PRKDC: variants seen among roughly 807,000 people sequenced by gnomAD.
PRKDC encodes DNA-dependent protein kinase catalytic subunit.
PRKDC carries 82 observed loss-of-function variants against 486.9 expected under a neutral mutation model. That is an observed-to-expected ratio of 0.17 (90% CI 0.14 to 0.20). PRKDC has a LOEUF of 0.20. Ranked by LOEUF, PRKDC falls within the 10% of genes least tolerant of loss-of-function variation. The probability of loss-of-function intolerance (pLI) is 1.00; values close to 1 mark genes in which losing one functional copy is unlikely to be tolerated. For synonymous variants in PRKDC, 1,895 were observed against 1,837.0 expected, an observed-to-expected ratio of 1.03 and a Z score of -0.81; for missense variants, 4,504 against 5,038.2, an observed-to-expected ratio of 0.89 and a Z score of 3.21.
intron 78 of PRKDC, among the ~76,000 whole-genome samples, chr8:47,783,514 C>T (rs1234301673): frequency 5.9e-5 from 9 of 151,626 alleles, no homozygotes; most frequent in African/African-American, 1.9e-4. Flanking sequence ...CGTTTGAACC[C>T]GGGAGGCAGA....
chr8:47,818,253 G>A (rs1248109916), intron 67 of PRKDC, among the ~76,000 whole-genome samples: 1 of 151,968 alleles, frequency 6.6e-6, no homozygotes, highest in Non-Finnish European at 1.5e-5. Flanking sequence ...AAAATGAGGA[G>A]AAAAAAATCC....
chr8:47,858,960 A>T lies in PRKDC; in HGVS notation c.6234T>A (p.Asp2078Glu). ...RREQRDPTVH[D>E]DVLELEMDEL... ...CGTCCATCTCCAGCTCCAGCACATC[A>T]TCATGCACCGTGGGGTCCCGCTGCT... Residue 2078 changes from aspartate to glutamate, a missense_variant, in exon 47 of 86, where the codon GAT becomes GAA. Asp to Glu is a conservative substitution (Grantham distance 45). Around this residue, in one of 6 missense-constraint regions of PRKDC, gnomAD observed 1,592 missense variants for 1,724.6 expected, o/e 0.92. Transcript: ENST00000314191. 6.2e-7 allele frequency: 1 copy of T among 1,613,454 alleles called. No homozygotes were observed. Among genetic ancestry groups the T allele is most frequent in the Non-Finnish European group, 8.5e-7 (1 of 1,179,876 alleles).
In PRKDC at chr8:47,916,072, T is replaced by G. The variant is rs565047228; in HGVS notation, c.2527-654A>C. ...CATCTGAAAATACTGGTTCACTGGATTGTGCAGATATTCCAAATGTTGACA... is the reference window on the plus strand; with the variant it reads ...CATCTGAAAATACTGGTTCACTGGAGTGTGCAGATATTCCAAATGTTGACA... On this transcript the variant is annotated intron_variant, in intron 22 of 85. Transcript: ENST00000314191. Among the ~76,000 whole-genome samples the G allele has an allele frequency of 6.9e-4, 105 of 152,306 alleles. 1 individual carries two copies. Among genetic ancestry groups the G allele is most frequent in the South Asian group, 5.8e-3 (28 of 4,830 alleles).
At chr8:47,843,138 C>T (rs892269807) in intron 54 of PRKDC, among the ~76,000 whole-genome samples, 3 of 152,112 alleles carry the variant, frequency 2.0e-5, no homozygotes, top group East Asian at 1.9e-4. Context: ...CACTGCACTT[C>T]GGCCTGGGTT....
rs564555161 is a variant in PRKDC at position 47,950,444 on chromosome 8, T to C, written c.721+3176A>G. On this transcript the variant is annotated intron_variant, in intron 7 of 85. Coordinates refer to ENST00000314191, the MANE Select transcript of PRKDC (RefSeq NM_006904.7). Reference sequence around the variant, plus strand: ...AATGAGACCATCCTGGCTAACACGGTGAAACCCCGTCTCTGCTAAAAATAC... The same window carrying C: ...AATGAGACCATCCTGGCTAACACGGCGAAACCCCGTCTCTGCTAAAAATAC... Among the ~76,000 whole-genome samples the C allele has an allele frequency of 4.4e-3, 670 of 151,074 alleles. 3 individuals carry two copies. The highest frequency in any genetic ancestry group is 5.9e-3 in the Non-Finnish European group (397 of 67,798).
intron 80 of PRKDC, 45 bp from the exon 81 acceptor site, chr8:47,779,138 A>T (rs1443479698): frequency 1.4e-5 from 20 of 1,386,882 alleles, no homozygotes; most frequent in Non-Finnish European, 1.9e-5. Flanking sequence ...AGATTTTAGC[A>T]TTATGTGATT....
rs774895986 is a variant in PRKDC at position 47,800,871 on chromosome 8, G to C, written c.10038C>G (p.Ala3346=). The C allele has an allele frequency of 6.2e-7, 1 of 1,613,724 alleles. No individual in the cohort carries two copies. Among genetic ancestry groups the C allele is most frequent in the South Asian group, 1.1e-5 (1 of 91,002 alleles). ...IIANALSSEP[A]CLAEIEEDKA... ...TGTCCTCCTCGATTTCAGCAAGGCA[G>C]GCTGGCTCACTGCTGAGAGCATTCG... The change falls in exon 71 of 86, where the codon GCC becomes GCG. Residue 3346 remains alanine (A), a synonymous_variant. Transcript: ENST00000314191.
intron 55 of PRKDC, 145 bp from the exon 56 acceptor site, chr8:47,839,391 C>A (rs2088094580): frequency 1.5e-6 from 1 of 655,572 alleles, no homozygotes; most frequent in South Asian, 1.8e-5. Flanking sequence ...GCTTGCCCCA[C>A]TCATGGGTGT....
chr8:47,846,232 A>G (rs1015693454), intron 54 of PRKDC, among the ~76,000 whole-genome samples: 7 of 152,238 alleles, frequency 4.6e-5, no homozygotes, highest in Middle Eastern at 3.4e-3. Flanking sequence ...CCTGGTCAAC[A>G]TGATAAAACC....
intron 31 of PRKDC, among the ~76,000 whole-genome samples, chr8:47,892,661 T>C (rs1287557305): frequency 6.6e-6 from 1 of 152,088 alleles, no homozygotes; most frequent in East Asian, 1.9e-4. Flanking sequence ...CATCTTTTCA[T>C]TAAAAAGACG....
At chr8:47,948,125 C>CACCG (rs569295816) in intron 7 of PRKDC, among the ~76,000 whole-genome samples, 6 of 150,708 alleles carry the variant, frequency 4.0e-5, no homozygotes, top group South Asian at 2.1e-4. Flanking sequence ...CACACACACA[C>CACCG]GCGTTTATAT....
Position 47,799,339 on chromosome 8 carries a change from G to T in PRKDC, c.10168C>A (p.Gln3390Lys). The change falls in exon 72 of 86, where the codon CAG (glutamine) becomes AAG (lysine). Residue 3390 changes from glutamine (Q) to lysine (K), a missense_variant. Gln to Lys is a moderately conservative substitution (Grantham distance 53). Around this residue, in one of 6 missense-constraint regions of PRKDC, gnomAD observed 706 missense variants for 945.0 expected, o/e 0.75. Coordinates refer to ENST00000314191, the MANE Select transcript of PRKDC (RefSeq NM_006904.7). ...GGCTGGGCCTCCTCCTCAGCCGCCTGCACAGCCTCAGAGAGGTGCTGGAAT... is the reference window on the plus strand; with the variant it reads ...GGCTGGGCCTCCTCCTCAGCCGCCTTCACAGCCTCAGAGAGGTGCTGGAAT... Reference protein sequence around the residue: ...RAFQHLSEAVQAAEEEAQPPS... With the variant: ...RAFQHLSEAVKAAEEEAQPPS... 1 of 1,611,052 alleles carries T rather than the reference G, an allele frequency of 6.2e-7. No homozygotes were observed.
intron 40 of PRKDC, among the ~76,000 whole-genome samples, chr8:47,866,156 C>CAAAAAAAA (rs766279016): frequency 1.9e-5 from 1 of 52,310 alleles, no homozygotes; most frequent in African/African-American, 6.0e-5. Context: ...AACTCCGTCG[C>CAAAAAAAA]AAAAAAAAAA....
In PRKDC at chr8:47,816,507, T is replaced by C. The variant is rs138369612; in HGVS notation, c.9557+943A>G. On this transcript the variant is annotated intron_variant, in intron 68 of 85. Transcript: ENST00000314191. ...ACTGGGACAATTAACAAAACTGAAA[T>C]TGGGCTGTAGAGGAAAAATGAAAGC... 3.3e-5 allele frequency among the ~76,000 whole-genome samples: 5 copies of C among 152,178 alleles called. No individual in the cohort carries two copies. The East Asian group carries it at 9.7e-4, about 29-fold the overall frequency.
At chr8:47,943,109 A>C in intron 10 of PRKDC, 100 bp downstream of exon 10, 1 of 1,358,082 alleles carries the variant, frequency 7.4e-7, no homozygotes, top group Non-Finnish European at 1.0e-6. Flanking sequence ...CAGAAGCTAC[A>C]GATCAACTTG....
Position 47,890,492 on chromosome 8 carries a change from T to C in PRKDC, c.3848-12A>G. Reference sequence around the variant, plus strand: ...CTGGGCTTCAGTACCTAGAAGCAATTATATTAAAGTATTAATATATGCTTC... The same window carrying C: ...CTGGGCTTCAGTACCTAGAAGCAATCATATTAAAGTATTAATATATGCTTC... On this transcript the variant is annotated splice_polypyrimidine_tract_variant and intron_variant, in intron 31 of 85. Transcript: ENST00000314191. The C allele has an allele frequency of 6.0e-6, 9 of 1,510,006 alleles. No individual in the cohort carries two copies. Among genetic ancestry groups the C allele is most frequent in the Non-Finnish European group, 7.2e-6 (8 of 1,113,042 alleles). The allele number at this position is 1,510,006 out of a possible 1,614,324, so 93.5% of individuals were successfully genotyped here.
In PRKDC at chr8:47,879,618, G is replaced by C; in HGVS notation, c.5108C>G (p.Thr1703Ser). The C allele has an allele frequency of 1.9e-6, 3 of 1,588,642 alleles. No homozygotes were observed. The highest frequency in any genetic ancestry group is 2.6e-6 in the Non-Finnish European group (3 of 1,169,012). ...TCTAAGTTCCTCCAGACTGCCTCCA[G>C]TGAGGCTGGTGAAGAATGGAAGAAG... ...VTLLPFFTSL[T>S]GGSLEELRRV... Residue 1703 changes from threonine (T) to serine (S), a missense_variant, in exon 39 of 86, where the codon ACT (threonine) becomes AGT (serine). By Grantham distance (58) the Thr-to-Ser change is moderately conservative. Transcript: ENST00000314191.
At chr8:47,829,901 A>T (rs2087824866) in intron 61 of PRKDC, among the ~76,000 whole-genome samples, 1 of 152,208 alleles carries the variant, frequency 6.6e-6, no homozygotes, top group African/African-American at 2.4e-5. Context: ...TACCAACATC[A>T]TTTATCACAG....
chr8:47,914,049 T>G lies in PRKDC; in HGVS notation c.2633A>C (p.Glu878Ala). The G allele has an allele frequency of 6.5e-7, 1 of 1,530,788 alleles. No homozygotes were observed. Among genetic ancestry groups the G allele is most frequent in the East Asian group, 2.4e-5 (1 of 42,432 alleles). The allele number at this position is 1,530,788 out of a possible 1,614,324, so 94.8% of individuals were successfully genotyped here. A position where few individuals can be genotyped will look rare whatever the true frequency, so the allele number is the denominator to read the frequency against. The change falls in exon 24 of 86, where the codon GAG becomes GCG. Residue 878 changes from glutamate to alanine, a missense_variant. Transcript: ENST00000314191. The stretch of plus-strand genomic sequence containing the variant: ...CCAGGCCACATAGCTCTTCATCATC[T>G]CATCTGAGGACGTGACTGTTAGAAA... The part of the protein sequence containing the change: ...KNLLTVTSSD[E>A]MMKSYVAWDR...
Sources: gnomAD v4.1 joint callset for allele counts (sites outside exome capture counted in the v4.1 genomes callset) on GRCh38, gnomAD v4.1.1 for gene constraint, gnomAD v4.1.1 regional missense constraint, MANE v1.5 for transcripts, NCBI Gene and HGNC (gene_info 2026-07-23, HGNC 2026-07-21) for gene names.